DNM1: variants seen among roughly 807,000 people sequenced by gnomAD.
DNM1 encodes the protein dynamin-1.
DNM1 carries 29 observed loss-of-function variants against 104.6 expected under a neutral mutation model. The observed-to-expected ratio is 0.28, with a 90% CI of 0.21 to 0.38. The LOEUF is 0.38. Among genes scored for constraint, DNM1 ranks in the 10% least tolerant of loss-of-function variants. DNM1 has a pLI of 1.00. For synonymous variants in DNM1, 445 were observed against 475.8 expected, an observed-to-expected ratio of 0.94 and a Z score of 0.84; for missense variants, 640 against 1,189.4, an observed-to-expected ratio of 0.54 and a Z score of 6.79.
chr9:128,218,641 C>G lies in DNM1; in HGVS notation c.295C>G (p.Leu99Val). 4.3e-6 allele frequency: 7 copies of G among 1,613,782 alleles called. No homozygotes were observed. Among genetic ancestry groups the G allele is most frequent in the Non-Finnish European group, 5.9e-6 (7 of 1,179,786 alleles). ...KKFTDFEEVR[L>V]EIEAETDRVT... is the part of the protein sequence containing the mutation. Reference sequence around the variant, plus strand: ...ATTCACCGACTTCGAGGAGGTGCGCCTTGAGATCGAGGCCGAGACCGACAG... The same window carrying G: ...ATTCACCGACTTCGAGGAGGTGCGCGTTGAGATCGAGGCCGAGACCGACAG... The change falls in exon 3 of 22, where the codon CTT becomes GTT. Residue 99 changes from leucine to valine, a missense_variant. This residue lies in a region of DNM1 where 172 missense variants were observed against 335.3 expected (regional missense o/e 0.51). Coordinates refer to ENST00000372923, the MANE Select transcript of DNM1 (RefSeq NM_004408.4). The surrounding 1 kb of genome is among the most constrained non-coding windows in gnomAD (Gnocchi z 4.8).
In DNM1 at chr9:128,253,059, C is replaced by G. The variant is rs116510580; in HGVS notation, c.2535-1595C>G. 1.9e-6 allele frequency: 3 copies of G among 1,609,376 alleles called. No individual in the cohort carries two copies. Among genetic ancestry groups the G allele is most frequent in the Admixed American group, 1.7e-5 (1 of 60,008 alleles). ...CCCCCACCCCCAGGCCGGCCCCACC[C>G]GTGCGTGTGAACTGCCATGTTGATT... On this transcript the variant is annotated intron_variant, in intron 21 of 21. Transcript: ENST00000372923. This position sits in a 1 kb window ranked among gnomAD's most constrained non-coding sequence, Gnocchi z 5.9.
chr9:128,239,912 C>A, intron 13 of DNM1, 73 bp from the exon 14 acceptor site: 10 of 1,598,900 alleles, frequency 6.3e-6, no homozygotes, highest in Non-Finnish European at 8.6e-6. Context: ...CACAAGCCTC[C>A]CACTCTGCCT....
At chr9:128,211,918 C>T (rs933266600) in intron 1 of DNM1, among the ~76,000 whole-genome samples, 1 of 152,190 alleles carries the variant, frequency 6.6e-6, no homozygotes, top group African/African-American at 2.4e-5. Context: ...ATATTAACAA[C>T]GTATCTAGTC....
intron 21 of DNM1, chr9:128,252,369 C>T (rs1272406357): frequency 7.8e-6 from 3 of 382,716 alleles, no homozygotes; most frequent in East Asian, 7.1e-5. Context: ...CATGACCCTA[C>T]CTTGGGGAAA....
intron 4 of DNM1, among the ~76,000 whole-genome samples, chr9:128,219,544 T>C (rs1018977730): frequency 6.6e-6 from 1 of 151,996 alleles, no homozygotes; most frequent in African/African-American, 2.4e-5. Context: ...TGGTGCACGC[T>C]TGTGGTCCCA....
At position 128,222,292 on chromosome 9, in the gene DNM1, G is replaced by C. The variant is rs528406413; in HGVS notation, c.945G>C (p.Lys315Asn). The part of the protein sequence containing the change: ...LSIEKEVEEY[K>N]NFRPDDPARK... ...TTGAGAAGGAGGTGGAGGAATACAA[G>C]AACTTCCGCCCTGATGACCCAGCTC... The change falls in exon 7 of 22, where the codon AAG becomes AAC. Residue 315 changes from lysine to asparagine, a missense_variant. Transcript: ENST00000372923. The surrounding 1 kb of genome is among the most constrained non-coding windows in gnomAD (Gnocchi z 7.8). 6.2e-7 allele frequency: 1 copy of C among 1,614,182 alleles called. No homozygotes were observed. The highest frequency in any genetic ancestry group is 1.7e-5 in the Admixed American group (1 of 60,024).
chr9:128,250,914 C>T lies in DNM1; in HGVS notation c.2508C>T (p.Pro836=). Residue 836 remains proline (P), a synonymous_variant, in exon 21 of 22, where the codon CCC becomes CCT. Coordinates refer to ENST00000372923, the MANE Select transcript of DNM1 (RefSeq NM_004408.4). ...CTCCCCCTCAGGTGCCCTCGCGCCCCAACCGCGCCCCGCCCGGGGTCCCCA... is the reference window on the plus strand; with the variant it reads ...CTCCCCCTCAGGTGCCCTCGCGCCCTAACCGCGCCCCGCCCGGGGTCCCCA... ...FGPPPQVPSR[P]NRAPPGVPSR... is the part of the protein sequence containing the mutation. 1 of 1,378,492 alleles carries T rather than the reference C, an allele frequency of 7.3e-7. No individual in the cohort carries two copies. Among genetic ancestry groups the T allele is most frequent in the Non-Finnish European group, 9.4e-7 (1 of 1,067,198 alleles). 85.4% of individuals were successfully genotyped at this position (1,378,492 alleles called of 1,614,324 possible). A position where few individuals can be genotyped will look rare whatever the true frequency, so the allele number is the denominator to read the frequency against.
Position 128,248,911 on chromosome 9 carries a change from G to A in DNM1, c.2076+158G>A, listed in dbSNP as rs1829331816. On this transcript the variant is annotated intron_variant, in intron 19 of 21. Coordinates refer to ENST00000372923, the MANE Select transcript of DNM1 (RefSeq NM_004408.4). This position sits in a 1 kb window ranked among gnomAD's most constrained non-coding sequence, Gnocchi z 5.6. ...GCTGTCCAATAGAAATATCATGAGG[G>A]GCTGGGCGCGGTGGCTCACACCTGT... Among the ~76,000 whole-genome samples, 1 of 152,186 alleles carries A rather than the reference G, an allele frequency of 6.6e-6. No homozygotes were observed. Among genetic ancestry groups the A allele is most frequent in the South Asian group, 2.1e-4 (1 of 4,832 alleles).
chr9:128,239,569 TG>T (rs1836235507), intron 12 of DNM1, 54 bp downstream of exon 12: 1 of 107,444 alleles, frequency 9.3e-6, no homozygotes, highest in African/African-American at 1.2e-4. Flanking sequence ...GAAGGTAACG[TG>T]TGTGTGTGTG....
intron 11 of DNM1, among the ~76,000 whole-genome samples, 177 bp from the exon 12 acceptor site, chr9:128,239,268 G>T (rs976120815): frequency 4.6e-5 from 7 of 152,190 alleles, no homozygotes; most frequent in Non-Finnish European, 8.8e-5. Context: ...AAAGTGCTGG[G>T]ATCACAGGTG....
intron 1 of DNM1, among the ~76,000 whole-genome samples, chr9:128,206,888 T>G (rs1361535393): frequency 6.6e-6 from 1 of 150,428 alleles, no homozygotes; most frequent in African/African-American, 2.5e-5. Flanking sequence ...AGGGTGTGAC[T>G]TGGGGAGCGG....
chr9:128,208,439 C>G (rs1364955288), intron 1 of DNM1, among the ~76,000 whole-genome samples: 1 of 152,208 alleles, frequency 6.6e-6, no homozygotes. Context: ...CAAACCTAGC[C>G]TTTCCCAGGG....
Position 128,222,141 on chromosome 9 carries a change from C to A in DNM1, c.850-56C>A. On this transcript the variant is annotated intron_variant, in intron 6 of 21. Coordinates refer to ENST00000372923, the MANE Select transcript of DNM1 (RefSeq NM_004408.4). This position sits in a 1 kb window ranked among gnomAD's most constrained non-coding sequence, Gnocchi z 7.8. ...TCACACAGTCCCCTGGCATCCAAGT[C>A]CCTTCCTGGCCCTGTGACCATCTGT... 6.4e-7 allele frequency: 1 copy of A among 1,559,436 alleles called. No homozygotes were observed. Among genetic ancestry groups the A allele is most frequent in the South Asian group, 1.2e-5 (1 of 81,544 alleles).
intron 10 of DNM1, among the ~76,000 whole-genome samples, chr9:128,227,314 T>C (rs1196347984): frequency 1.3e-5 from 2 of 151,652 alleles, no homozygotes; most frequent in Admixed American, 6.6e-5. Context: ...GCGCATTCTT[T>C]TTTACTGAGC....
intron 10 of DNM1, among the ~76,000 whole-genome samples, chr9:128,227,375 C>CTTT (rs59856862): frequency 2.0e-5 from 1 of 50,422 alleles, no homozygotes; most frequent in Non-Finnish European, 3.3e-5. Flanking sequence ...GGTCTCATGC[C>CTTT]TTTTTTTTTT....
At chr9:128,229,345 C>A (rs1371946429) in intron 10 of DNM1, among the ~76,000 whole-genome samples, 1 of 151,208 alleles carries the variant, frequency 6.6e-6, no homozygotes, top group African/African-American at 2.4e-5. Context: ...CCACTGCACT[C>A]CTGGGTTATT....
Position 128,203,691 on chromosome 9 carries a change from C to A in DNM1, c.161+60C>A. 7.2e-7 allele frequency: 1 copy of A among 1,387,732 alleles called. No individual in the cohort carries two copies. The highest frequency in any genetic ancestry group is 9.3e-7 in the Non-Finnish European group (1 of 1,072,942). The allele number at this position is 1,387,732 out of a possible 1,614,324, so 86.0% of individuals were successfully genotyped here. A position where few individuals can be genotyped will look rare whatever the true frequency, so the allele number is the denominator to read the frequency against. The stretch of plus-strand genomic sequence containing the variant: ...ACCCCCGGGATCCCTGGAGTCCCCG[C>A]CCGGGGCACTGACGGCGCGGCGACC... On this transcript the variant is annotated intron_variant, in intron 1 of 21. Transcript: ENST00000372923. This position sits in a 1 kb window ranked among gnomAD's most constrained non-coding sequence, Gnocchi z 5.3.
chr9:128,250,951 G>GGT lies in DNM1; in HGVS notation c.2534+11_2534+12insGT. Reference sequence around the variant, plus strand: ...GCCCGGGGTCCCCAGGTGAGTAGGGGCTGAATGCGGCTGGAGAGGCTGCCG... The same window carrying GGT: ...GCCCGGGGTCCCCAGGTGAGTAGGGGGTCTGAATGCGGCTGGAGAGGCTGCCG... On this transcript the variant is annotated intron_variant, in intron 21 of 21. Transcript: ENST00000372923. 2 of 1,368,312 alleles carry GGT rather than the reference G, an allele frequency of 1.5e-6. No individual in the cohort carries two copies. Among genetic ancestry groups the GGT allele is most frequent in the Admixed American group, 5.4e-5 (2 of 37,274 alleles). The allele number at this position is 1,368,312 out of a possible 1,614,324, so 84.8% of individuals were successfully genotyped here. A position where few individuals can be genotyped will look rare whatever the true frequency, so the allele number is the denominator to read the frequency against.
intron 10 of DNM1, among the ~76,000 whole-genome samples, chr9:128,231,194 CT>C (rs72047067): frequency 0.1 from 7,005 of 68,356 alleles, 100 homozygotes; most frequent in South Asian, 0.19. Context: ...ATACTTTTGC[CT>C]TTTTTTTTTT....
Sources: allele counts gnomAD v4.1 joint callset (sites outside exome capture counted in the v4.1 genomes callset), GRCh38; gene constraint gnomAD v4.1.1; regional missense constraint gnomAD v4.1.1; non-coding constraint Gnocchi (gnomAD v3.1); transcripts MANE v1.5; gene names NCBI Gene and HGNC (gene_info 2026-07-23, HGNC 2026-07-21).